SIM1: variants seen among roughly 807,000 people sequenced by gnomAD.
The protein encoded by SIM1 is SIM bHLH transcription factor 1.
SIM1 carries 18 observed loss-of-function variants against 78.2 expected under a neutral mutation model. The ratio of observed to expected loss-of-function variants is 0.23; its 90% CI spans 0.16 to 0.34. The LOEUF (loss-of-function observed/expected upper bound fraction) is 0.34. Ranked by LOEUF, SIM1 falls within the 10% of genes least tolerant of loss-of-function variation. The probability of loss-of-function intolerance (pLI) is 1.00; values close to 1 mark genes in which losing one functional copy is unlikely to be tolerated. For synonymous variants in SIM1, 417 were observed against 385.2 expected, an observed-to-expected ratio of 1.08 and a Z score of -0.97; for missense variants, 939 against 975.1, an observed-to-expected ratio of 0.96 and a Z score of 0.49.
rs1771919792 is a variant in SIM1 at position 100,432,161 on chromosome 6, G to A, written c.999-11203C>T. Among the ~76,000 whole-genome samples, 5 of 152,254 alleles carry A rather than the reference G, an allele frequency of 3.3e-5. No individual in the cohort carries two copies. The South Asian group carries it at 1.0e-3, about 32-fold the overall frequency. ...ACACTATCTCTTAAAAAGAGAGAGAGAGATAATAGTGTATGCCTCATGTGT... is the reference window on the plus strand; with the variant it reads ...ACACTATCTCTTAAAAAGAGAGAGAAAGATAATAGTGTATGCCTCATGTGT... On this transcript the variant is annotated intron_variant, in intron 9 of 11. Coordinates refer to ENST00000369208, the MANE Select transcript of SIM1 (RefSeq NM_005068.3).
At chr6:100,454,004 T>C (rs1467546830) in intron 2 of SIM1, among the ~76,000 whole-genome samples, 160 bp from the exon 3 acceptor site, 2 of 152,178 alleles carry the variant, frequency 1.3e-5, no homozygotes, top group Non-Finnish European at 2.9e-5. Flanking sequence ...AGCGTGTACA[T>C]TTCAGTCCGT....
chr6:100,453,457 T>A (rs2114547421), intron 3 of SIM1, among the ~76,000 whole-genome samples: 1 of 152,226 alleles, frequency 6.6e-6, no homozygotes, highest in African/African-American at 2.4e-5. Flanking sequence ...CTCAGCCCAA[T>A]GGAGACAAAT....
intron 10 of SIM1, among the ~76,000 whole-genome samples, chr6:100,413,137 C>A (rs1007102182): frequency 3.9e-5 from 6 of 152,196 alleles, no homozygotes; most frequent in African/African-American, 1.4e-4. Context: ...TTACATACTA[C>A]ATGTGTTTTA....
chr6:100,396,154 C>T (rs532702289), intron 10 of SIM1: 143 of 799,266 alleles, frequency 1.8e-4, no homozygotes, highest in African/African-American at 5.8e-4. Flanking sequence ...GCAGGGCTGG[C>T]GCTTCCTCAC....
intron 9 of SIM1, among the ~76,000 whole-genome samples, chr6:100,442,822 A>G (rs1388379602): frequency 6.6e-6 from 1 of 152,070 alleles, no homozygotes; most frequent in Non-Finnish European, 1.5e-5. Context: ...TGAAAACCCA[A>G]ATTAACCCAG....
chr6:100,396,590 G>T (rs1414029728), intron 10 of SIM1, among the ~76,000 whole-genome samples: 1 of 152,110 alleles, frequency 6.6e-6, no homozygotes, highest in African/African-American at 2.4e-5. Context: ...GGCAGAAGTT[G>T]GGTGGTTCAG....
At chr6:100,456,032 T>C (rs1233057330) in intron 2 of SIM1, among the ~76,000 whole-genome samples, 2 of 152,158 alleles carry the variant, frequency 1.3e-5, no homozygotes, top group African/African-American at 4.8e-5. Flanking sequence ...GGAGCCTCTC[T>C]CGCCCTCTCC....
At chr6:100,422,823 T>C (rs976725685) in intron 9 of SIM1, among the ~76,000 whole-genome samples, 1 of 152,188 alleles carries the variant, frequency 6.6e-6, no homozygotes, top group Non-Finnish European at 1.5e-5. Flanking sequence ...TTTTTACTTG[T>C]CAATTTAAAA....
In SIM1 at chr6:100,389,061, C is replaced by A. The variant is rs1770574559; in HGVS notation, c.*1300G>T. The A allele has an allele frequency of 6.6e-6, 1 of 152,204 alleles. No individual in the cohort carries two copies. The highest frequency in any genetic ancestry group is 2.4e-5 in the African/African-American group (1 of 41,430). The allele number at this position is 152,204 out of a possible 1,614,324, so 9.4% of individuals were successfully genotyped here. A position where few individuals can be genotyped will look rare whatever the true frequency, so the allele number is the denominator to read the frequency against. Reference sequence around the variant, plus strand: ...TGAACGCTGGGGCTGCCTTACAAACCAGGAAACTAGAGCCCAGGCACGGTG... The same window carrying A: ...TGAACGCTGGGGCTGCCTTACAAACAAGGAAACTAGAGCCCAGGCACGGTG... On this transcript the variant is annotated 3_prime_UTR_variant, in exon 12 of 12. Transcript: ENST00000369208.
At position 100,420,090 on chromosome 6, in the gene SIM1, T is replaced by G. The variant is rs571095385; in HGVS notation, c.1167+700A>C. Among the ~76,000 whole-genome samples, 22 of 152,316 alleles carry G rather than the reference T, an allele frequency of 1.4e-4. No homozygotes were observed. In the South Asian group the frequency reaches 4.6e-3, roughly 32 times the overall value. On this transcript the variant is annotated intron_variant, in intron 10 of 11. Transcript: ENST00000369208. Reference sequence around the variant, plus strand: ...TGGGTAATTCTCAGTCCTGTCCTACTTCCTTCAGGCCAGGAGAGCTGTGTA... The same window carrying G: ...TGGGTAATTCTCAGTCCTGTCCTACGTCCTTCAGGCCAGGAGAGCTGTGTA...
intron 3 of SIM1, among the ~76,000 whole-genome samples, chr6:100,450,696 T>TCTCTCTCTCTCTCTCTCTCACA (rs1421452803): frequency 1.4e-4 from 13 of 91,930 alleles, no homozygotes; most frequent in Non-Finnish European, 2.6e-4. Flanking sequence ...TCTCTCTCTC[T>TCTCTCTCTCTCTCTCTCTCACA]CACACACACA....
intron 9 of SIM1, among the ~76,000 whole-genome samples, chr6:100,439,427 T>C (rs1405023353): frequency 2.0e-5 from 3 of 152,224 alleles, no homozygotes; most frequent in Non-Finnish European, 2.9e-5. Flanking sequence ...AAGTATACTA[T>C]AACATTGCAA....
chr6:100,450,394 G>A, intron 3 of SIM1, 38 bp from the exon 4 acceptor site: 1 of 1,576,074 alleles, frequency 6.3e-7, no homozygotes, highest in South Asian at 1.1e-5. Flanking sequence ...AGAGCCCTCT[G>A]GGCCATCTGG....
chr6:100,435,735 T>TATTTTAA (rs1386602717), intron 9 of SIM1, among the ~76,000 whole-genome samples: 126 of 152,314 alleles, frequency 8.3e-4, no homozygotes, highest in Non-Finnish European at 1.3e-3. Context: ...ATTTTGAATC[T>TATTTTAA]AGAATTCTTT....
chr6:100,432,396 T>C (rs753459553), intron 9 of SIM1, among the ~76,000 whole-genome samples: 11 of 152,144 alleles, frequency 7.2e-5, no homozygotes, highest in Admixed American at 1.3e-4. Context: ...TCAGGGGCCA[T>C]ACTTTGAGAG....
At chr6:100,398,431 A>G (rs1270129005) in intron 10 of SIM1, among the ~76,000 whole-genome samples, 1 of 152,084 alleles carries the variant, frequency 6.6e-6, no homozygotes, top group East Asian at 1.9e-4. Context: ...ATAACTCCCC[A>G]TTCCGTCTTC....
chr6:100,419,898 C>T (rs1325645069), intron 10 of SIM1, among the ~76,000 whole-genome samples: 1 of 152,170 alleles, frequency 6.6e-6, no homozygotes, highest in African/African-American at 2.4e-5. Context: ...ACCTCGACCT[C>T]CCAAAGTGCT....
Position 100,390,198 on chromosome 6 carries a change from C to A in SIM1, c.*163G>T. On this transcript the variant is annotated 3_prime_UTR_variant, in exon 12 of 12. Transcript: ENST00000369208. Reference sequence around the variant, plus strand: ...CCTTTTCTGTGTATAACCCTGAATGCTAGTGCTATGTTTTCTTTGATTTTA... The same window carrying A: ...CCTTTTCTGTGTATAACCCTGAATGATAGTGCTATGTTTTCTTTGATTTTA... 3 of 732,314 alleles carry A rather than the reference C, an allele frequency of 4.1e-6. No homozygotes were observed. The highest frequency in any genetic ancestry group is 6.6e-6 in the Non-Finnish European group (3 of 457,708). 45.4% of individuals were successfully genotyped at this position (732,314 alleles called of 1,614,324 possible).
rs559954911 is a variant in SIM1, at chr6:100,388,797, T to C, written c.*1564A>G. 1 of 152,212 alleles carries C rather than the reference T, an allele frequency of 6.6e-6. No homozygotes were observed. Among genetic ancestry groups the C allele is most frequent in the Non-Finnish European group, 1.5e-5 (1 of 68,028 alleles). The allele number at this position is 152,212 out of a possible 1,614,324, so 9.4% of individuals were successfully genotyped here. The stretch of plus-strand genomic sequence containing the variant: ...ACTTATATCATTTTGCTTTAATTAC[T>C]AGAGAATAGAGCATTAAATAAATCT... On this transcript the variant is annotated 3_prime_UTR_variant, in exon 12 of 12. Transcript: ENST00000369208.
Sources: allele counts gnomAD v4.1 joint callset (sites outside exome capture counted in the v4.1 genomes callset), GRCh38; gene constraint gnomAD v4.1.1; transcripts MANE v1.5; gene names NCBI Gene and HGNC (gene_info 2026-07-23, HGNC 2026-07-21).